RAB7A: variants seen among roughly 807,000 people sequenced by gnomAD.
The protein encoded by RAB7A is ras-related protein Rab-7a.
In RAB7A, 2 loss-of-function variants were observed where a neutral mutation model predicts 24.5. That is an observed-to-expected ratio of 0.08 (90% CI 0.03 to 0.26). RAB7A has a LOEUF of 0.26. Among genes scored for constraint, RAB7A ranks in the 10% least tolerant of loss-of-function variants. The pLI is 1.00. For missense variants in RAB7A, 118 were observed against 255.7 expected (o/e 0.46, Z 3.67); for synonymous variants, 100 against 95.9 (o/e 1.04, Z -0.25).
chr3:128,743,747 G>A (rs1366568063), intron 1 of RAB7A, among the ~76,000 whole-genome samples: 3 of 151,550 alleles, frequency 2.0e-5, no homozygotes, highest in South Asian at 4.2e-4. Flanking sequence ...GAGCCTATAC[G>A]TTCAATATCA....
At chr3:128,737,242 T>A (rs1405851507) in intron 1 of RAB7A, among the ~76,000 whole-genome samples, 1 of 151,876 alleles carries the variant, frequency 6.6e-6, no homozygotes, top group Non-Finnish European at 1.5e-5. Context: ...GGTGTCACTG[T>A]GTTAGCCAGG....
At chr3:128,751,267 A>G (rs1313442333) in intron 1 of RAB7A, among the ~76,000 whole-genome samples, 1 of 152,158 alleles carries the variant, frequency 6.6e-6, no homozygotes, top group Non-Finnish European at 1.5e-5. Context: ...TAGTAGATGC[A>G]CCAACAGCTT....
At position 128,797,804 on chromosome 3, in the gene RAB7A, C is replaced by CT. The variant is rs1373138552; in HGVS notation, c.54-138dup. 5.5e-6 allele frequency: 5 copies of CT among 904,470 alleles called. No individual in the cohort carries two copies. In the African/African-American group the frequency reaches 8.3e-5, roughly 15 times the overall value. 56.0% of individuals were successfully genotyped at this position (904,470 alleles called of 1,614,324 possible). Reference sequence around the variant, plus strand: ...CTTCAAAAGTGTAATGCTCGGAAGGCTACTGGCATTGCCCTTTGCTGTGAG... The same window carrying CT: ...CTTCAAAAGTGTAATGCTCGGAAGGCTTACTGGCATTGCCCTTTGCTGTGAG... On this transcript the variant is annotated intron_variant, in intron 2 of 5. Transcript: ENST00000265062.
At chr3:128,770,345 A>G (rs1481254005) in intron 1 of RAB7A, among the ~76,000 whole-genome samples, 10 of 152,216 alleles carry the variant, frequency 6.6e-5, no homozygotes, top group Non-Finnish European at 1.5e-5. Context: ...AACTTTAGCT[A>G]GAGTGACTCT....
At chr3:128,804,119 C>T (rs1337220910) in intron 3 of RAB7A, among the ~76,000 whole-genome samples, 1 of 143,772 alleles carries the variant, frequency 7.0e-6, no homozygotes, top group African/African-American at 2.6e-5. Flanking sequence ...CCTGGGCCCC[C>T]CCCCGCCCCC....
intron 1 of RAB7A, among the ~76,000 whole-genome samples, chr3:128,744,006 A>T (rs4045812): frequency 1.3e-5 from 2 of 151,558 alleles, no homozygotes; most frequent in Non-Finnish European, 2.9e-5. Flanking sequence ...CCAGGCTGGT[A>T]TTGAATTCCT....
chr3:128,780,759 G>A (rs1395789975), intron 1 of RAB7A, among the ~76,000 whole-genome samples: 1 of 152,228 alleles, frequency 6.6e-6, no homozygotes, highest in Non-Finnish European at 1.5e-5. Context: ...AGGATCATGA[G>A]TGGTAACCCA....
intron 1 of RAB7A, among the ~76,000 whole-genome samples, chr3:128,780,131 G>A (rs866255782): frequency 2.0e-5 from 3 of 152,178 alleles, no homozygotes; most frequent in Middle Eastern, 3.2e-3. Flanking sequence ...TTAAATAAAA[G>A]CCTTATGATT....
intron 1 of RAB7A, among the ~76,000 whole-genome samples, chr3:128,786,472 C>T (rs778618988): frequency 5.9e-5 from 9 of 152,152 alleles, no homozygotes; most frequent in Non-Finnish European, 1.3e-4. Flanking sequence ...TGAAGTCAAT[C>T]AGTTTTGAGG....
intron 1 of RAB7A, among the ~76,000 whole-genome samples, chr3:128,771,917 C>T (rs1363424576): frequency 6.6e-6 from 1 of 152,196 alleles, no homozygotes; most frequent in Non-Finnish European, 1.5e-5. Flanking sequence ...CTTAAATTCT[C>T]TCCTAAACAT....
intron 5 of RAB7A, 93 bp from the exon 6 acceptor site, chr3:128,813,234 A>C: frequency 8.5e-7 from 1 of 1,179,462 alleles, no homozygotes; most frequent in South Asian, 1.2e-5. Flanking sequence ...GCCCAAGCAG[A>C]AGTGAGCCCC....
At chr3:128,727,996 A>G (rs1314980062) in intron 1 of RAB7A, among the ~76,000 whole-genome samples, 1 of 152,028 alleles carries the variant, frequency 6.6e-6, no homozygotes, top group Non-Finnish European at 1.5e-5. Context: ...TAAAATATTT[A>G]AGTGAGTAAT....
intron 1 of RAB7A, among the ~76,000 whole-genome samples, chr3:128,774,352 C>G (rs1185669611): frequency 2.0e-5 from 3 of 151,890 alleles, no homozygotes; most frequent in Non-Finnish European, 4.4e-5. Context: ...GATCTTAACT[C>G]TTTGTGGTGT....
chr3:128,760,238 A>G (rs1278321957), intron 1 of RAB7A, among the ~76,000 whole-genome samples: 2 of 152,104 alleles, frequency 1.3e-5, no homozygotes, highest in Admixed American at 1.3e-4. Flanking sequence ...GAGATGGGAC[A>G]TAGGTGTTCT....
At chr3:128,790,760 A>G (rs1007983140) in intron 1 of RAB7A, among the ~76,000 whole-genome samples, 3 of 152,160 alleles carry the variant, frequency 2.0e-5, no homozygotes, top group Non-Finnish European at 4.4e-5. Context: ...TATTTTTATA[A>G]CATGCTTTTC....
chr3:128,772,775 G>T (rs1198036246), intron 1 of RAB7A, among the ~76,000 whole-genome samples: 2 of 152,244 alleles, frequency 1.3e-5, no homozygotes, highest in Non-Finnish European at 2.9e-5. Context: ...TTTTTTTGGT[G>T]GAGACGGGGT....
intron 1 of RAB7A, among the ~76,000 whole-genome samples, chr3:128,736,952 G>A (rs1344200396): frequency 6.6e-6 from 1 of 152,082 alleles, no homozygotes; most frequent in Non-Finnish European, 1.5e-5. Context: ...AAATCAGCTG[G>A]TAATTTAAAT....
chr3:128,763,208 A>ATTTTTTTTTTTTT (rs1174944964), intron 1 of RAB7A, among the ~76,000 whole-genome samples: 2 of 76,060 alleles, frequency 2.6e-5, no homozygotes, highest in Non-Finnish European at 2.2e-5. Flanking sequence ...ATATATATAT[A>ATTTTTTTTTTTTT]TTTTTTTTTT....
At chr3:128,774,721 C>T (rs1048788058) in intron 1 of RAB7A, among the ~76,000 whole-genome samples, 33 of 152,232 alleles carry the variant, frequency 2.2e-4, no homozygotes, top group Middle Eastern at 6.8e-3. Flanking sequence ...CACAGGCGCC[C>T]GCCACCACGC....
Sources: allele counts gnomAD v4.1 joint callset (sites outside exome capture counted in the v4.1 genomes callset), GRCh38; gene constraint gnomAD v4.1.1; transcripts MANE v1.5; gene names NCBI Gene and HGNC (gene_info 2026-07-23, HGNC 2026-07-21).